The following PCTP variants were observed in gnomAD, a reference collection of about 807,000 sequenced individuals.
The protein encoded by PCTP is phosphatidylcholine transfer protein, also known as START domain-containing protein 2.
PCTP carries 27 observed loss-of-function variants against 31.0 expected under a neutral mutation model. That is an observed-to-expected ratio of 0.87 (90% CI 0.64 to 1.20). The LOEUF is 1.20. PCTP is among the 50% of genes most tolerant of loss of function. The pLI, the probability that PCTP is intolerant of heterozygous loss-of-function variation, is 0.00. For synonymous variants in PCTP, 108 were observed against 101.2 expected, an observed-to-expected ratio of 1.07 and a Z score of -0.40; for missense variants, 287 against 268.2, an observed-to-expected ratio of 1.07 and a Z score of -0.49.
downstream of PCTP, among the ~76,000 whole-genome samples, chr17:55,846,201 T>A (rs1433134188): frequency 6.6e-6 from 1 of 152,128 alleles, no homozygotes; most frequent in Non-Finnish European, 1.5e-5. Flanking sequence ...CATCACCCAA[T>A]GCTCTTGATA....
intron 3 of PCTP, among the ~76,000 whole-genome samples, chr17:55,809,523 CT>C (rs1433337764): frequency 1.9e-3 from 246 of 128,680 alleles, no homozygotes; most frequent in Admixed American, 2.0e-3. Context: ...TTCTCAGAGT[CT>C]TTTTTTTTTT....
At chr17:55,808,084 T>C (rs1444382200) in intron 3 of PCTP, among the ~76,000 whole-genome samples, 1 of 152,198 alleles carries the variant, frequency 6.6e-6, no homozygotes, top group Admixed American at 6.5e-5. Context: ...TATTATATCA[T>C]TTAATCCTCT....
chr17:55,850,298 T>TTATTTCATAGAAA, the PCTP span, among the ~76,000 whole-genome samples: 1 of 152,174 alleles, frequency 6.6e-6, no homozygotes, highest in South Asian at 2.1e-4. Flanking sequence ...TGAATAGTTT[T>TTATTTCATAGAAA]TATTTCATAG....
chr17:55,771,222 T>G (rs780034583), intron 3 of PCTP, 37 bp downstream of exon 3: 22 of 1,515,194 alleles, frequency 1.5e-5, no homozygotes, highest in Non-Finnish European at 2.0e-5. Context: ...CCTGGCCCTC[T>G]AAGTGTTTCT....
chr17:55,777,821 T>C (rs1444276560), downstream of PCTP, among the ~76,000 whole-genome samples: 2 of 152,236 alleles, frequency 1.3e-5, no homozygotes, highest in African/African-American at 4.8e-5. Context: ...CATTAAAATA[T>C]CATTATCAAT....
At chr17:55,844,657 A>G (rs1906086090), downstream of PCTP, among the ~76,000 whole-genome samples, 1 of 152,132 alleles carries the variant, frequency 6.6e-6, no homozygotes, top group Non-Finnish European at 1.5e-5. Flanking sequence ...ACTCACCGAC[A>G]TAGAATCTAA....
chr17:55,757,216 GTATA>G (rs540562274), intron 1 of PCTP, among the ~76,000 whole-genome samples: 1 of 149,514 alleles, frequency 6.7e-6, no homozygotes, highest in East Asian at 2.0e-4. Context: ...GTGTATATAT[GTATA>G]TATATACACA....
intron 3 of PCTP, among the ~76,000 whole-genome samples, chr17:55,815,195 T>C (rs1912879168): frequency 6.6e-6 from 1 of 152,240 alleles, no homozygotes; most frequent in Non-Finnish European, 1.5e-5. Flanking sequence ...TTAAAAAGCA[T>C]GATTATATTT....
At chr17:55,790,784 C>T (rs1911935295) in intron 3 of PCTP, among the ~76,000 whole-genome samples, 1 of 149,152 alleles carries the variant, frequency 6.7e-6, no homozygotes, top group Non-Finnish European at 1.5e-5. Flanking sequence ...TGACTTTCTT[C>T]ACAGAATTGG....
intron 1 of PCTP, among the ~76,000 whole-genome samples, chr17:55,751,791 T>G (rs1909732185): frequency 6.6e-6 from 1 of 152,104 alleles, no homozygotes; most frequent in Non-Finnish European, 1.5e-5. Context: ...ATAAGTTGAG[T>G]CCGAATCTTC....
intron 3 of PCTP, among the ~76,000 whole-genome samples, chr17:55,816,541 C>A (rs1001701973): frequency 6.6e-6 from 1 of 152,156 alleles, no homozygotes; most frequent in Non-Finnish European, 1.5e-5. Context: ...AGATGAAAGA[C>A]CTCATATGCC....
At chr17:55,850,234 G>A in the PCTP span, among the ~76,000 whole-genome samples, 4 of 152,222 alleles carry the variant, frequency 2.6e-5, no homozygotes, top group African/African-American at 7.2e-5. Flanking sequence ...GTAATCTTAA[G>A]TTGTATCACT....
At chr17:55,810,191 A>AT (rs1912702827) in intron 3 of PCTP, among the ~76,000 whole-genome samples, 2 of 151,918 alleles carry the variant, frequency 1.3e-5, no homozygotes, top group African/African-American at 4.8e-5. Flanking sequence ...GCTAATCTTT[A>AT]TTTTTTGTAG....
At chr17:55,757,278 ATGTG>A (rs367789115) in intron 1 of PCTP, among the ~76,000 whole-genome samples, 5 of 150,062 alleles carry the variant, frequency 3.3e-5, no homozygotes, top group Non-Finnish European at 7.4e-5. Context: ...ATACACAAGC[ATGTG>A]TGTGTGTGCA....
chr17:55,771,752 GA>G (rs1208718024), intron 3 of PCTP, among the ~76,000 whole-genome samples: 1 of 152,154 alleles, frequency 6.6e-6, no homozygotes, highest in Non-Finnish European at 1.5e-5. Flanking sequence ...GCAGTTGAAT[GA>G]AATGTAGGGA....
chr17:55,760,629 A>C (rs1304514467), intron 1 of PCTP, among the ~76,000 whole-genome samples: 1 of 152,216 alleles, frequency 6.6e-6, no homozygotes, highest in Non-Finnish European at 1.5e-5. Flanking sequence ...ACAGTACCTC[A>C]TCTGTTGAAA....
downstream of PCTP, among the ~76,000 whole-genome samples, chr17:55,780,333 T>C (rs189387594): frequency 3.9e-5 from 6 of 152,338 alleles, no homozygotes; most frequent in East Asian, 9.6e-4. Flanking sequence ...GTAAACTTTC[T>C]AAGTTTCCTG....
downstream of PCTP, among the ~76,000 whole-genome samples, chr17:55,826,937 C>T (rs1167804028): frequency 3.3e-5 from 5 of 151,876 alleles, no homozygotes; most frequent in African/African-American, 1.2e-4. Context: ...AAGAAAAATG[C>T]CACTAAGATT....
intron 1 of PCTP, among the ~76,000 whole-genome samples, chr17:55,753,232 G>A (rs1157408893): frequency 6.6e-6 from 1 of 152,124 alleles, no homozygotes; most frequent in Non-Finnish European, 1.5e-5. Flanking sequence ...GAATTGCAGT[G>A]ACCTCTTAAC....
Sources: gnomAD v4.1 joint callset for allele counts (sites outside exome capture counted in the v4.1 genomes callset) on GRCh38, gnomAD v4.1.1 for gene constraint, MANE v1.5 for transcripts, NCBI Gene and HGNC (gene_info 2026-07-23, HGNC 2026-07-21) for gene names.